The following KDM6A variants were observed in gnomAD, a reference collection of about 807,000 sequenced individuals.
The protein encoded by KDM6A is lysine-specific demethylase 6A.
Under a neutral mutation model 117.6 loss-of-function variants are expected in KDM6A, and 11 were observed. The ratio of observed to expected loss-of-function variants is 0.09; its 90% CI spans 0.06 to 0.15. The LOEUF is 0.15. KDM6A is among the 10% of genes least tolerant of loss of function. The pLI is 1.00. For missense variants in KDM6A, 799 were observed against 1,077.3 expected (o/e 0.74, Z 3.62); for synonymous variants, 384 against 396.1 (o/e 0.97, Z 0.36).
chrX:45,000,675 A>T (rs2041095595), intron 4 of KDM6A, among the ~76,000 whole-genome samples: 1 of 113,019 alleles, frequency 8.8e-6, no homozygotes, highest in East Asian at 2.8e-4. Context: ...CGTGAGAGAC[A>T]CGAAGTGAAC....
Position 44,920,412 on chromosome X carries a change from T to A in KDM6A, c.226-40872T>A, listed in dbSNP as rs533782956. On this transcript the variant is annotated intron_variant, in intron 2 of 29. Coordinates refer to ENST00000611820, the MANE Select transcript of KDM6A (RefSeq NM_001291415.2). ...ACAGCTTCTCTAGTTTTCATTAATG[T>A]TAGCATAATATATCTTTTTACTTTT... is the stretch of plus-strand genomic sequence containing the variant. Among the ~76,000 whole-genome samples, 66 of 111,844 alleles carry A rather than the reference T, an allele frequency of 5.9e-4. 1 individual carries two copies. The South Asian group carries it at 0.024, about 40-fold the overall frequency.
chrX:45,034,655 CT>C (rs976065991), intron 6 of KDM6A, among the ~76,000 whole-genome samples: 2 of 111,385 alleles, frequency 1.8e-5, no homozygotes, highest in African/African-American at 6.5e-5. Context: ...AAATCTTCAC[CT>C]TTTTCACATA....
chrX:44,928,480 A>G (rs2036432915), intron 2 of KDM6A, among the ~76,000 whole-genome samples: 1 of 112,100 alleles, frequency 8.9e-6, no homozygotes, highest in African/African-American at 3.2e-5. Context: ...TATGTAAAAT[A>G]TTCTAGAATG....
At chrX:44,926,173 C>G (rs1248816366) in intron 2 of KDM6A, among the ~76,000 whole-genome samples, 1 of 107,138 alleles carries the variant, frequency 9.3e-6, no homozygotes, top group African/African-American at 3.4e-5. Context: ...TGGGTTCAAG[C>G]GATTCTCGTG....
rs1028828112 is a variant in KDM6A at position 44,979,940 on chromosome X, A to C, written c.384+5225A>C. 3.7e-5 allele frequency among the ~76,000 whole-genome samples: 4 copies of C among 107,616 alleles called. No homozygotes were observed. In the East Asian group the frequency reaches 1.2e-3, roughly 31 times the overall value. The allele number at this position is 107,616 out of a possible 115,157, so 93.5% of individuals were successfully genotyped here. A position where few individuals can be genotyped will look rare whatever the true frequency, so the allele number is the denominator to read the frequency against. On this transcript the variant is annotated intron_variant, in intron 4 of 29. Transcript: ENST00000611820. Reference sequence around the variant, plus strand: ...AGCCAATATCATAGTTTTGTTTACTATGTTCTTGAAATCAAGCAATGTAAG... The same window carrying C: ...AGCCAATATCATAGTTTTGTTTACTCTGTTCTTGAAATCAAGCAATGTAAG...
intron 2 of KDM6A, among the ~76,000 whole-genome samples, chrX:44,884,240 G>A (rs1038032689): frequency 9.1e-6 from 1 of 110,377 alleles, no homozygotes; most frequent in Non-Finnish European, 1.9e-5. Context: ...CATGTGAGAA[G>A]CCCCATCACT....
chrX:45,023,298 CT>C (rs967920808), intron 6 of KDM6A, among the ~76,000 whole-genome samples: 1 of 111,654 alleles, frequency 9.0e-6, no homozygotes, highest in Non-Finnish European at 1.9e-5. Context: ...GTGTATAATA[CT>C]TTTTGGATGG....
rs143450025 is a variant in KDM6A, at chrX:44,975,137, A to T, written c.384+422A>T. 1.4e-3 allele frequency among the ~76,000 whole-genome samples: 155 copies of T among 111,785 alleles called. 1 individual carries two copies. In the East Asian group the frequency reaches 0.035, roughly 25 times the overall value. ...CTCTTTCTTGGTGTACTCTGTTTATAATTGGAGCTTTGAGGAGAGCTGAAC... is the reference window on the plus strand; with the variant it reads ...CTCTTTCTTGGTGTACTCTGTTTATTATTGGAGCTTTGAGGAGAGCTGAAC... On this transcript the variant is annotated intron_variant, in intron 4 of 29. Coordinates refer to ENST00000611820, the MANE Select transcript of KDM6A (RefSeq NM_001291415.2).
intron 24 of KDM6A, among the ~76,000 whole-genome samples, chrX:45,084,039 A>G (rs1445933459): frequency 1.8e-5 from 2 of 111,849 alleles, no homozygotes; most frequent in Non-Finnish European, 3.8e-5. Flanking sequence ...AATCTATTCT[A>G]TTCTGTTTCA....
At chrX:44,948,198 G>A (rs920164531) in intron 2 of KDM6A, among the ~76,000 whole-genome samples, 33 of 111,811 alleles carry the variant, frequency 3.0e-4, no homozygotes, top group African/African-American at 1.1e-3. Flanking sequence ...AATTTCTTGA[G>A]GGCTCTTAAG....
intron 17 of KDM6A, among the ~76,000 whole-genome samples, chrX:45,066,821 C>T (rs1002232584): frequency 2.7e-5 from 3 of 112,071 alleles, no homozygotes; most frequent in Admixed American, 9.5e-5. Flanking sequence ...TGGCAGGCCA[C>T]GAGGCTTCTG....
rs2148289368 is a variant in KDM6A at position 45,107,496 on chromosome X, G to A, written c.4121G>A (p.Arg1374Gln). The part of the protein sequence containing the change: ...AAGKEIIWHG[R>Q]TKEEPAHYCS... ...GGAAAAGAGATTATATGGCATGGGC[G>A]GACAAAAGAAGAACCAGCTCATTAC... The change falls in exon 28 of 30, where the codon CGG becomes CAG. Residue 1374 changes from arginine to glutamine, a missense_variant. Around this residue, in one of 8 missense-constraint regions of KDM6A, gnomAD observed 291 missense variants for 437.9 expected, o/e 0.66. Coordinates refer to ENST00000611820, the MANE Select transcript of KDM6A (RefSeq NM_001291415.2). 4 of 1,209,679 alleles carry A rather than the reference G, an allele frequency of 3.3e-6. No homozygotes were observed. Among genetic ancestry groups the A allele is most frequent in the South Asian group, 1.8e-5 (1 of 56,955 alleles).
rs1603015681 is a variant in KDM6A at position 45,096,262 on chromosome X, G to A, written c.4034+5398G>A. Among the ~76,000 whole-genome samples the A allele has an allele frequency of 6.3e-5, 7 of 111,179 alleles. No homozygotes were observed. The South Asian group carries it at 2.6e-3, about 41-fold the overall frequency. On this transcript the variant is annotated intron_variant, in intron 27 of 29. Coordinates refer to ENST00000611820, the MANE Select transcript of KDM6A (RefSeq NM_001291415.2). The stretch of plus-strand genomic sequence containing the variant: ...GCTTTCATAGTTAAGTGGTAAGCCC[G>A]CTCAACCAAAAAGAATGTAAGCAAA...
At chrX:44,962,905 G>A (rs2038753740) in intron 3 of KDM6A, among the ~76,000 whole-genome samples, 1 of 111,867 alleles carries the variant, frequency 8.9e-6, no homozygotes. Context: ...GCTGCAGGTT[G>A]GGGTGGCTGT....
chrX:45,038,906 T>C (rs1387216303), intron 8 of KDM6A, among the ~76,000 whole-genome samples: 1 of 111,351 alleles, frequency 9.0e-6, no homozygotes, highest in African/African-American at 3.3e-5. Flanking sequence ...CTGTTGGTTT[T>C]TTTTTTATGC....
At position 45,040,211 on chromosome X, in the gene KDM6A, C is replaced by T. The variant is rs1384336769; in HGVS notation, c.654+2522C>T. Among the ~76,000 whole-genome samples the T allele has an allele frequency of 1.1e-3, 103 of 95,947 alleles. 1 individual carries two copies. Among genetic ancestry groups the T allele is most frequent in the African/African-American group, 4.0e-3 (102 of 25,822 alleles). 83.3% of individuals were successfully genotyped at this position (95,947 alleles called of 115,157 possible). A position where few individuals can be genotyped will look rare whatever the true frequency, so the allele number is the denominator to read the frequency against. On this transcript the variant is annotated intron_variant, in intron 8 of 29. Coordinates refer to ENST00000611820, the MANE Select transcript of KDM6A (RefSeq NM_001291415.2). ...GGGGCTCCTTACTTCCCAGTAGGGG[C>T]GGCCGGGCAGAGGCGCCCCTCACCT...
At chrX:44,985,296 A>T (rs2040152501) in intron 4 of KDM6A, among the ~76,000 whole-genome samples, 1 of 111,943 alleles carries the variant, frequency 8.9e-6, no homozygotes, top group Admixed American at 9.5e-5. Flanking sequence ...TATCAGCTTA[A>T]GGAGATTTTG....
chrX:44,978,118 G>T (rs773530638), intron 4 of KDM6A, among the ~76,000 whole-genome samples: 2 of 111,724 alleles, frequency 1.8e-5, no homozygotes, highest in Admixed American at 1.9e-4. Flanking sequence ...CATAGGATGG[G>T]TTTTTTCCTC....
chrX:45,058,682 C>CGT (rs1002207738), intron 10 of KDM6A, among the ~76,000 whole-genome samples: 15 of 108,730 alleles, frequency 1.4e-4, no homozygotes, highest in South Asian at 1.2e-3. Context: ...GGAAGAGTGC[C>CGT]GTGTGTGTGT....
Sources: allele counts gnomAD v4.1 joint callset (sites outside exome capture counted in the v4.1 genomes callset), GRCh38; gene constraint gnomAD v4.1.1; regional missense constraint gnomAD v4.1.1; transcripts MANE v1.5; gene names NCBI Gene and HGNC (gene_info 2026-07-23, HGNC 2026-07-21).